The following SNX9 variants were observed in gnomAD, a reference collection of about 807,000 sequenced individuals.
The protein encoded by SNX9 is sorting nexin-9.
Under a neutral mutation model 89.4 loss-of-function variants are expected in SNX9, and 44 were observed. That is an observed-to-expected ratio of 0.49 (90% confidence interval 0.39 to 0.63). The LOEUF (loss-of-function observed/expected upper bound fraction) is 0.63, where lower values mean the gene tolerates loss of function less well. Ranked by LOEUF, SNX9 falls within the 30% of genes least tolerant of loss-of-function variation. The pLI is 0.00. For synonymous variants in SNX9, 236 were observed against 247.8 expected (o/e 0.95, Z 0.45); for missense variants, 578 against 736.1 (o/e 0.79, Z 2.49).
intron 9 of SNX9, among the ~76,000 whole-genome samples, chr6:157,910,406 A>G (rs974822557): frequency 1.3e-5 from 2 of 152,244 alleles, no homozygotes; most frequent in Non-Finnish European, 2.9e-5. Flanking sequence ...TATGACCCAC[A>G]TGATGCAAAC....
rs867786358 is a variant in SNX9 at position 157,915,685 on chromosome 6, C to T, written c.949+5660C>T. ...CACACACACACAAAAATTAGCCAGG[C>T]GTGGTGGCACACACCTGTAGTCCCA... On this transcript the variant is annotated intron_variant, in intron 9 of 17. Transcript: ENST00000392185. 6.4e-5 allele frequency among the ~76,000 whole-genome samples: 9 copies of T among 140,276 alleles called. No individual in the cohort carries two copies. In the South Asian group the frequency reaches 6.8e-4, roughly 11 times the overall value. 92.0% of individuals were successfully genotyped at this position (140,276 alleles called of 152,430 possible).
intron 1 of SNX9, among the ~76,000 whole-genome samples, chr6:157,834,027 T>C (rs1011401350): frequency 6.6e-6 from 1 of 152,040 alleles, no homozygotes; most frequent in African/African-American, 2.4e-5. Flanking sequence ...TAATGAGGCG[T>C]GATCTGATTG....
intron 1 of SNX9, among the ~76,000 whole-genome samples, chr6:157,849,456 G>A (rs1781866038): frequency 6.6e-6 from 1 of 152,252 alleles, no homozygotes; most frequent in Admixed American, 6.5e-5. Context: ...GAAGGTTTGA[G>A]TCAAGAGCGG....
chr6:157,930,873 A>AC (rs1783797674), intron 12 of SNX9, among the ~76,000 whole-genome samples: 2 of 152,228 alleles, frequency 1.3e-5, no homozygotes, highest in South Asian at 4.1e-4. Flanking sequence ...GACCATCATA[A>AC]CACATCATTT....
intron 1 of SNX9, chr6:157,830,086 A>G: frequency 6.6e-6 from 1 of 152,168 alleles, no homozygotes; most frequent in Non-Finnish European, 1.5e-5. Context: ...ATTGCCCAGT[A>G]TTTTAGTTAT....
intron 1 of SNX9, among the ~76,000 whole-genome samples, chr6:157,842,444 C>CGATT (rs1472402687): frequency 1.3e-5 from 2 of 152,152 alleles, no homozygotes; most frequent in Non-Finnish European, 2.9e-5. Context: ...TAGACAGAAT[C>CGATT]GATTTATCAA....
chr6:157,845,105 C>CTT lies in SNX9; in HGVS notation c.12+21678_12+21679dup, dbSNP rs35257389. ...CCGCACCTGGCCCTTTCCCATTTGT[C>CTT]TTTTTTTTTTTTTTTTTTTTAAGAC... On this transcript the variant is annotated intron_variant, in intron 1 of 17. Transcript: ENST00000392185. Among the ~76,000 whole-genome samples, 760 of 124,770 alleles carry CTT rather than the reference C, an allele frequency of 6.1e-3. 1 individual carries two copies. The highest frequency in any genetic ancestry group is 0.011 in the African/African-American group (368 of 33,468). The allele number at this position is 124,770 out of a possible 152,430, so 81.9% of individuals were successfully genotyped here. A position where few individuals can be genotyped will look rare whatever the true frequency, so the allele number is the denominator to read the frequency against.
chr6:157,895,856 A>C (rs568042820), intron 4 of SNX9, among the ~76,000 whole-genome samples: 2 of 152,188 alleles, frequency 1.3e-5, no homozygotes, highest in Non-Finnish European at 2.9e-5. Context: ...TCCATAGTCA[A>C]ACTGAAACTT....
chr6:157,832,680 C>T (rs535809234), intron 1 of SNX9, among the ~76,000 whole-genome samples: 1 of 152,178 alleles, frequency 6.6e-6, no homozygotes, highest in East Asian at 1.9e-4. Context: ...GGAAGAAGTG[C>T]CGAGCAAAAG....
At chr6:157,919,901 C>T (rs1783548756) in intron 9 of SNX9, among the ~76,000 whole-genome samples, 1 of 143,540 alleles carries the variant, frequency 7.0e-6, no homozygotes, top group African/African-American at 2.6e-5. Flanking sequence ...TGTTAAGTAA[C>T]TTGCCTAAGA....
intron 1 of SNX9, chr6:157,830,417 A>G (rs1002130709): frequency 6.6e-6 from 1 of 152,176 alleles, no homozygotes; most frequent in Non-Finnish European, 1.5e-5. Flanking sequence ...CCAGTTAGCT[A>G]ATTATTGTTC....
In SNX9 at chr6:157,848,783, G is replaced by A. The variant is rs544205720; in HGVS notation, c.13-18764G>A. Among the ~76,000 whole-genome samples, 6 of 152,342 alleles carry A rather than the reference G, an allele frequency of 3.9e-5. No individual in the cohort carries two copies. The South Asian group carries it at 1.2e-3, about 32-fold the overall frequency. On this transcript the variant is annotated intron_variant, in intron 1 of 17. Transcript: ENST00000392185. ...AACGATAGTACAGCAGCCGTAAAAT[G>A]ATAGGGGAAGGGTAGTGTTATAAGG...
intron 6 of SNX9, among the ~76,000 whole-genome samples, chr6:157,902,869 C>T (rs1023667094): frequency 2.0e-5 from 3 of 151,838 alleles, no homozygotes; most frequent in East Asian, 1.9e-4. Flanking sequence ...GGTTTTACCA[C>T]GTTGGCCAGG....
chr6:157,929,677 A>T (rs1283595189), intron 12 of SNX9, among the ~76,000 whole-genome samples: 2 of 152,252 alleles, frequency 1.3e-5, no homozygotes, highest in Admixed American at 1.3e-4. Flanking sequence ...TTTGATGCTC[A>T]GCATAGGAAA....
In SNX9 at chr6:157,915,669, AC is replaced by A. The variant is rs1228608511; in HGVS notation, c.949+5645del. On this transcript the variant is annotated intron_variant, in intron 9 of 17. Transcript: ENST00000392185. ...TATATATATATATACACACACACAC[AC>A]AAAAATTAGCCAGGCGTGGTGGCAC... is the stretch of plus-strand genomic sequence containing the variant. Among the ~76,000 whole-genome samples, 676 of 139,696 alleles carry A rather than the reference AC, an allele frequency of 4.8e-3. 2 individuals are homozygous for A. The highest frequency in any genetic ancestry group is 0.014 in the East Asian group (68 of 4,798). 91.6% of individuals were successfully genotyped at this position (139,696 alleles called of 152,430 possible).
intron 9 of SNX9, among the ~76,000 whole-genome samples, chr6:157,915,646 T>TATATATATACAC (rs1334020710): frequency 5.5e-4 from 49 of 89,232 alleles, no homozygotes; most frequent in Non-Finnish European, 9.7e-4. Context: ...AAAAAATATA[T>TATATATATACAC]ATATATATAT....
At chr6:157,900,347 A>G (rs933656305) in intron 5 of SNX9, among the ~76,000 whole-genome samples, 18 of 152,076 alleles carry the variant, frequency 1.2e-4, no homozygotes, top group African/African-American at 4.1e-4. Context: ...CGAGTTCATT[A>G]TATGTTTTGA....
At chr6:157,873,072 C>CT (rs572209866) in intron 2 of SNX9, 30 bp from the exon 3 acceptor site, 134,766 of 1,298,996 alleles carry the variant, frequency 0.1, 58 homozygotes, top group Non-Finnish European at 0.11. Context: ...TAATCTTTTT[C>CT]TTTTTTTTTT....
chr6:157,939,384 C>A (rs1783989891), intron 16 of SNX9, among the ~76,000 whole-genome samples: 1 of 152,036 alleles, frequency 6.6e-6, no homozygotes, highest in Non-Finnish European at 1.5e-5. Flanking sequence ...AACTTGAAAG[C>A]TCTAGACTTG....
Sources: allele counts gnomAD v4.1 joint callset (sites outside exome capture counted in the v4.1 genomes callset), GRCh38; gene constraint gnomAD v4.1.1; transcripts MANE v1.5; gene names NCBI Gene and HGNC (gene_info 2026-07-23, HGNC 2026-07-21).